The following CDC42SE2 variants were observed in gnomAD, a reference collection of about 807,000 sequenced individuals.
The protein encoded by CDC42SE2 is CDC42 small effector 2.
In CDC42SE2, 3 loss-of-function variants were observed where a neutral mutation model predicts 11.5. The observed-to-expected ratio is 0.26, with a 90% CI of 0.12 to 0.67. The LOEUF (loss-of-function observed/expected upper bound fraction) is 0.67, where lower values mean the gene tolerates loss of function less well. Ranked by LOEUF, CDC42SE2 falls within the 30% of genes least tolerant of loss-of-function variation. The pLI is 0.80. For missense variants in CDC42SE2, 82 were observed against 106.8 expected, an observed-to-expected ratio of 0.77 and a Z score of 1.02; for synonymous variants, 33 against 34.8, an observed-to-expected ratio of 0.95 and a Z score of 0.18.
intron 3 of CDC42SE2, among the ~76,000 whole-genome samples, chr5:131,367,943 C>T (rs754396162): frequency 6.6e-6 from 1 of 151,962 alleles, no homozygotes; most frequent in Non-Finnish European, 1.5e-5. Flanking sequence ...ACCCTCTGTC[C>T]CACAGCGACT....
At chr5:131,211,433 T>C in the CDC42SE2 span, among the ~76,000 whole-genome samples, 2 of 152,260 alleles carry the variant, frequency 1.3e-5, no homozygotes, top group Admixed American at 6.5e-5. Flanking sequence ...TTAAAGATTC[T>C]AATTTTATAC....
chr5:131,389,414 A>C (rs1750584992), intron 4 of CDC42SE2, among the ~76,000 whole-genome samples: 1 of 152,258 alleles, frequency 6.6e-6, no homozygotes, highest in Non-Finnish European at 1.5e-5. Context: ...TGACTATTAT[A>C]GCAATACCTT....
chr5:131,347,145 A>G (rs1373556568), intron 2 of CDC42SE2, among the ~76,000 whole-genome samples: 1 of 152,206 alleles, frequency 6.6e-6, no homozygotes, highest in African/African-American at 2.4e-5. Flanking sequence ...AATAACTAAG[A>G]TCAGAGCTGA....
At chr5:131,385,483 C>A in intron 3 of CDC42SE2, 60 bp from the exon 4 acceptor site, 1 of 1,191,742 alleles carries the variant, frequency 8.4e-7, no homozygotes, top group Non-Finnish European at 1.2e-6. Context: ...GTATAAAAAT[C>A]CATCAGAATA....
At chr5:131,287,512 G>T (rs193218373) in intron 1 of CDC42SE2, among the ~76,000 whole-genome samples, 4 of 150,540 alleles carry the variant, frequency 2.7e-5, no homozygotes, top group Non-Finnish European at 5.9e-5. Context: ...ATGCCCAGGC[G>T]AGTGCAGTGG....
At chr5:131,368,905 GATTT>G (rs1213867139) in intron 3 of CDC42SE2, among the ~76,000 whole-genome samples, 1 of 151,988 alleles carries the variant, frequency 6.6e-6, no homozygotes, top group African/African-American at 2.4e-5. Context: ...AATTTGAAAG[GATTT>G]ATTTTACATA....
chr5:131,288,866 C>T (rs1013296782), intron 1 of CDC42SE2, among the ~76,000 whole-genome samples: 1 of 152,186 alleles, frequency 6.6e-6, no homozygotes, highest in Non-Finnish European at 1.5e-5. Flanking sequence ...TTGGTATAGA[C>T]ATTTTCAGGC....
At chr5:131,290,387 T>A (rs1452468246) in intron 1 of CDC42SE2, among the ~76,000 whole-genome samples, 1 of 152,202 alleles carries the variant, frequency 6.6e-6, no homozygotes, top group African/African-American at 2.4e-5. Context: ...ATCGTGTATT[T>A]ATCTTTTGAA....
chr5:131,369,622 G>A (rs879592380), intron 3 of CDC42SE2, among the ~76,000 whole-genome samples: 2 of 152,176 alleles, frequency 1.3e-5, no homozygotes, highest in Non-Finnish European at 2.9e-5. Flanking sequence ...GAAGAATGTA[G>A]TAACAGTTTT....
chr5:131,320,133 C>T (rs751493929), intron 2 of CDC42SE2, among the ~76,000 whole-genome samples: 16 of 150,470 alleles, frequency 1.1e-4, no homozygotes, highest in Non-Finnish European at 1.9e-4. Flanking sequence ...ACCTGTAACC[C>T]GAACACTTTG....
At chr5:131,309,635 G>T (rs1432092210) in intron 1 of CDC42SE2, among the ~76,000 whole-genome samples, 6 of 151,754 alleles carry the variant, frequency 4.0e-5, no homozygotes, top group East Asian at 1.9e-4. Context: ...CCTGTTATTG[G>T]TCTATTCAGA....
chr5:131,325,211 GATA>G (rs570106285), intron 2 of CDC42SE2, among the ~76,000 whole-genome samples: 32 of 152,258 alleles, frequency 2.1e-4, no homozygotes, highest in Middle Eastern at 3.4e-3. Flanking sequence ...TTCCAGAAGT[GATA>G]ATGATGCATT....
intron 2 of CDC42SE2, among the ~76,000 whole-genome samples, chr5:131,334,798 G>T (rs538165096): frequency 6.6e-6 from 1 of 152,292 alleles, no homozygotes; most frequent in African/African-American, 2.4e-5. Context: ...ATTTCTGTGG[G>T]ATGGGTGGTG....
chr5:131,214,884 T>C, the CDC42SE2 span, among the ~76,000 whole-genome samples: 2 of 152,210 alleles, frequency 1.3e-5, no homozygotes, highest in Non-Finnish European at 2.9e-5. Context: ...GGGAAATAAA[T>C]GCCTGTTTCT....
intron 1 of CDC42SE2, among the ~76,000 whole-genome samples, chr5:131,278,000 C>G (rs574391558): frequency 1.3e-5 from 2 of 152,266 alleles, no homozygotes; most frequent in East Asian, 1.9e-4. Flanking sequence ...CTATTCCCCC[C>G]ACTTTTTTTT....
chr5:131,258,013 T>A (rs886688153), intron 2 of CDC42SE2, among the ~76,000 whole-genome samples: 1 of 152,028 alleles, frequency 6.6e-6, no homozygotes, highest in Admixed American at 6.6e-5. Flanking sequence ...TGGTGCTGAG[T>A]CTTAATTGCC....
At chr5:131,297,404 G>A (rs1384457043) in intron 1 of CDC42SE2, among the ~76,000 whole-genome samples, 1 of 151,994 alleles carries the variant, frequency 6.6e-6, no homozygotes, top group Non-Finnish European at 1.5e-5. Context: ...ATATTTGTTA[G>A]TGTACAAAGT....
chr5:131,290,878 T>C (rs1174891574), intron 1 of CDC42SE2, among the ~76,000 whole-genome samples: 1 of 152,068 alleles, frequency 6.6e-6, no homozygotes. Flanking sequence ...TGCCAAAATA[T>C]AAAAATTAGA....
chr5:131,346,205 G>A (rs1167966295), intron 2 of CDC42SE2, among the ~76,000 whole-genome samples: 1 of 152,168 alleles, frequency 6.6e-6, no homozygotes, highest in African/African-American at 2.4e-5. Context: ...GACACAGACT[G>A]GCAAATTGGA....
Sources: gnomAD v4.1 joint callset for allele counts (sites outside exome capture counted in the v4.1 genomes callset) on GRCh38, gnomAD v4.1.1 for gene constraint, MANE v1.5 for transcripts, NCBI Gene and HGNC (gene_info 2026-07-23, HGNC 2026-07-21) for gene names.